Variants in LYPLAL1 observed in about 807,000 individuals in gnomAD.
LYPLAL1 encodes the protein lysophospholipase-like protein 1.
A neutral mutation model predicts 19.7 loss-of-function variants in LYPLAL1; 23 were observed. The observed-to-expected ratio is 1.17, with a 90% CI of 0.84 to 1.65. The LOEUF (loss-of-function observed/expected upper bound fraction) is 1.65. Ranked by LOEUF, LYPLAL1 falls within the 40% of genes most tolerant of loss-of-function variation. The pLI is 0.00. For synonymous variants in LYPLAL1, 119 were observed against 96.3 expected, an observed-to-expected ratio of 1.24 and a Z score of -1.38; for missense variants, 355 against 279.4, an observed-to-expected ratio of 1.27 and a Z score of -1.93.
the LYPLAL1 span, among the ~76,000 whole-genome samples, chr1:219,314,506 G>A: frequency 6.4e-4 from 98 of 151,986 alleles, no homozygotes; most frequent in African/African-American, 2.2e-3. Context: ...GTGCAGTGGC[G>A]CAATCTCGGC....
the LYPLAL1 span, among the ~76,000 whole-genome samples, chr1:219,250,109 C>T: frequency 7.9e-5 from 12 of 151,942 alleles, no homozygotes; most frequent in Admixed American, 7.9e-4. Flanking sequence ...TTTGTCTACA[C>T]CAAAGTCACA....
chr1:219,385,073 T>C, the LYPLAL1 span, among the ~76,000 whole-genome samples: 1 of 152,182 alleles, frequency 6.6e-6, no homozygotes, highest in East Asian at 1.9e-4. Flanking sequence ...GGGAGGTCAG[T>C]AAACCTATAA....
At chr1:219,371,581 A>G in the LYPLAL1 span, among the ~76,000 whole-genome samples, 1 of 152,168 alleles carries the variant, frequency 6.6e-6, no homozygotes, top group African/African-American at 2.4e-5. Flanking sequence ...TTCTCTGTAC[A>G]TATTTATAAC....
At chr1:219,375,909 CT>C in the LYPLAL1 span, among the ~76,000 whole-genome samples, 1 of 151,830 alleles carries the variant, frequency 6.6e-6, no homozygotes, top group African/African-American at 2.4e-5. Context: ...GCCCAGCTAA[CT>C]TTTTGTACTT....
At chr1:219,329,979 A>G in the LYPLAL1 span, among the ~76,000 whole-genome samples, 520 of 152,220 alleles carry the variant, frequency 3.4e-3, 4 homozygotes, top group African/African-American at 0.011. Context: ...TGCCATTTAT[A>G]TAGCAGAGGA....
downstream of LYPLAL1, among the ~76,000 whole-genome samples, chr1:219,215,696 A>G (rs2125129640): frequency 6.6e-6 from 1 of 152,238 alleles, no homozygotes; most frequent in Middle Eastern, 3.4e-3. Flanking sequence ...CAGGCTTTGC[A>G]TGGATTTCCC....
At chr1:219,341,041 A>G in the LYPLAL1 span, among the ~76,000 whole-genome samples, 5 of 152,084 alleles carry the variant, frequency 3.3e-5, no homozygotes, top group Admixed American at 3.3e-4. Context: ...ATTCACTAAC[A>G]TTCCATGTGC....
chr1:219,304,990 C>T, the LYPLAL1 span, among the ~76,000 whole-genome samples: 1 of 152,180 alleles, frequency 6.6e-6, no homozygotes, highest in African/African-American at 2.4e-5. Flanking sequence ...TGTGAGAATG[C>T]AAATTTGTCC....
chr1:219,312,068 T>C, the LYPLAL1 span, among the ~76,000 whole-genome samples: 1 of 152,176 alleles, frequency 6.6e-6, no homozygotes, highest in Non-Finnish European at 1.5e-5. Flanking sequence ...AGGAAGAAGC[T>C]TGTGATGTGA....
At chr1:219,311,382 C>T in the LYPLAL1 span, among the ~76,000 whole-genome samples, 1 of 152,188 alleles carries the variant, frequency 6.6e-6, no homozygotes, top group African/African-American at 2.4e-5. Context: ...TCTGGAATGA[C>T]ATTTGTCAGC....
chr1:219,252,366 A>C, the LYPLAL1 span, among the ~76,000 whole-genome samples: 1 of 152,116 alleles, frequency 6.6e-6, no homozygotes, highest in Non-Finnish European at 1.5e-5. Context: ...CCCAGTTTTC[A>C]AGGTGAAGAC....
chr1:219,300,005 G>A, the LYPLAL1 span, among the ~76,000 whole-genome samples: 31 of 152,280 alleles, frequency 2.0e-4, no homozygotes, highest in Admixed American at 2.0e-3. Flanking sequence ...TTGAGACAGA[G>A]TCTCGCTCTG....
chr1:219,326,986 C>T, the LYPLAL1 span, among the ~76,000 whole-genome samples: 19 of 152,344 alleles, frequency 1.2e-4, no homozygotes, highest in Non-Finnish European at 2.5e-4. Context: ...GTAATCCCAA[C>T]TACTCAGGAG....
At chr1:219,439,992 C>CATATATATAT in the LYPLAL1 span, among the ~76,000 whole-genome samples, 239 of 32,370 alleles carry the variant, frequency 7.4e-3, 2 homozygotes, top group African/African-American at 0.02. Flanking sequence ...TATATATATA[C>CATATATATAT]ACACATATAT....
chr1:219,306,771 T>C, the LYPLAL1 span, among the ~76,000 whole-genome samples: 1 of 150,418 alleles, frequency 6.6e-6, no homozygotes, highest in Non-Finnish European at 1.5e-5. Context: ...GATAGATAGA[T>C]AGATAGATAG....
chr1:219,250,628 C>A, the LYPLAL1 span, among the ~76,000 whole-genome samples: 1 of 151,910 alleles, frequency 6.6e-6, no homozygotes, highest in Non-Finnish European at 1.5e-5. Context: ...CTGCAAAAGA[C>A]ATGATCTCAT....
At chr1:219,295,461 C>T in the LYPLAL1 span, among the ~76,000 whole-genome samples, 65 of 152,214 alleles carry the variant, frequency 4.3e-4, no homozygotes, top group African/African-American at 1.2e-3. Flanking sequence ...GACAAATTTT[C>T]GGGCTATTTT....
chr1:219,224,226 A>G, the LYPLAL1 span, among the ~76,000 whole-genome samples: 4 of 152,240 alleles, frequency 2.6e-5, no homozygotes, highest in South Asian at 2.1e-4. Flanking sequence ...AGTTCACAAC[A>G]TGAACTAACT....
the LYPLAL1 span, among the ~76,000 whole-genome samples, chr1:219,372,178 C>G: frequency 6.6e-6 from 1 of 152,102 alleles, no homozygotes; most frequent in Non-Finnish European, 1.5e-5. Context: ...AAAGGACTAC[C>G]CTCCTGGCAA....
Sources: gnomAD v4.1 joint callset for allele counts (sites outside exome capture counted in the v4.1 genomes callset) on GRCh38, gnomAD v4.1.1 for gene constraint, MANE v1.5 for transcripts, NCBI Gene and HGNC (gene_info 2026-07-23, HGNC 2026-07-21) for gene names.